WDR7: variants seen among roughly 807,000 people sequenced by gnomAD.
WDR7 encodes WD repeat domain 7, also known as WD repeat-containing protein 7.
WDR7 carries 46 observed loss-of-function variants against 169.4 expected under a neutral mutation model. That is an observed-to-expected ratio of 0.27 (90% CI 0.21 to 0.35). The LOEUF is 0.35. Ranked by LOEUF, WDR7 falls within the 10% of genes least tolerant of loss-of-function variation. WDR7 has a pLI of 1.00. For synonymous variants in WDR7, 612 were observed against 666.8 expected (o/e 0.92, Z 1.27); for missense variants, 1,534 against 1,859.3 (o/e 0.83, Z 3.22).
In WDR7 at chr18:56,957,112, A is replaced by G. The variant is rs931313697; in HGVS notation, c.4065-5318A>G. ...TTCCCATCAGAAAAAGAATGGTTAA[A>G]TAATATAATGCACATACGCAGAACT... On this transcript the variant is annotated intron_variant, in intron 25 of 27. Transcript: ENST00000254442. 5.3e-5 allele frequency among the ~76,000 whole-genome samples: 8 copies of G among 152,208 alleles called. No individual in the cohort carries two copies. In the East Asian group the frequency reaches 1.5e-3, roughly 29 times the overall value.
intron 20 of WDR7, among the ~76,000 whole-genome samples, chr18:56,876,585 A>G (rs1188316453): frequency 6.6e-6 from 1 of 152,216 alleles, no homozygotes; most frequent in Non-Finnish European, 1.5e-5. Context: ...GTTTAAAGCC[A>G]GGAGCTAGGC....
intron 20 of WDR7, among the ~76,000 whole-genome samples, chr18:56,865,815 T>A (rs912071263): frequency 2.0e-5 from 3 of 152,204 alleles, no homozygotes; most frequent in African/African-American, 7.2e-5. Context: ...TTAATGTAGT[T>A]CATATGCTTG....
In WDR7 at chr18:56,736,201, TC is replaced by T. The variant is rs1363075923; in HGVS notation, c.1989+4607del. Among the ~76,000 whole-genome samples the T allele has an allele frequency of 6.6e-5, 10 of 152,276 alleles. No homozygotes were observed. In the South Asian group the frequency reaches 1.7e-3, roughly 25 times the overall value. ...AACTCTATGTGATCAGACATGTGCT[TC>T]CCTCATTTAATTTTATTCTTCAATC... On this transcript the variant is annotated intron_variant, in intron 14 of 27. Coordinates refer to ENST00000254442, the MANE Select transcript of WDR7 (RefSeq NM_015285.3).
intron 27 of WDR7, among the ~76,000 whole-genome samples, chr18:57,025,562 A>G (rs1312483712): frequency 6.6e-6 from 1 of 152,224 alleles, no homozygotes; most frequent in African/African-American, 2.4e-5. Context: ...CAATAACCAT[A>G]CATTTGGTTT....
At chr18:57,018,282 A>G (rs1180842237) in intron 26 of WDR7, among the ~76,000 whole-genome samples, 2 of 152,236 alleles carry the variant, frequency 1.3e-5, no homozygotes, top group African/African-American at 4.8e-5. Flanking sequence ...AGTTTTTCTT[A>G]GAAGAACTTT....
At chr18:56,823,447 G>A (rs536875563) in intron 20 of WDR7, among the ~76,000 whole-genome samples, 11 of 152,260 alleles carry the variant, frequency 7.2e-5, no homozygotes, top group African/African-American at 2.6e-4. Flanking sequence ...TGTATTCATA[G>A]TGGTGGCAGG....
chr18:56,847,325 T>C (rs2045582483), intron 20 of WDR7, among the ~76,000 whole-genome samples: 1 of 152,174 alleles, frequency 6.6e-6, no homozygotes, highest in Non-Finnish European at 1.5e-5. Context: ...GACATTCAAA[T>C]AGTGGCCTGG....
intron 12 of WDR7, among the ~76,000 whole-genome samples, chr18:56,701,138 G>A (rs151314999): frequency 2.2e-3 from 336 of 152,290 alleles, no homozygotes; most frequent in African/African-American, 7.5e-3. Flanking sequence ...AGGAGGATAA[G>A]GTAAGTATTT....
chr18:57,020,515 A>G (rs764537561), intron 26 of WDR7, among the ~76,000 whole-genome samples: 5 of 152,318 alleles, frequency 3.3e-5, no homozygotes, highest in Non-Finnish European at 7.4e-5. Flanking sequence ...GCCCTCCCCA[A>G]CTAGGAGGCA....
intron 13 of WDR7, among the ~76,000 whole-genome samples, chr18:56,724,209 A>ATTTTT (rs58382196): frequency 3.1e-5 from 3 of 98,012 alleles, no homozygotes; most frequent in Non-Finnish European, 3.7e-5. Context: ...ATGCCTGGTA[A>ATTTTT]TTTTTTTTTT....
intron 13 of WDR7, among the ~76,000 whole-genome samples, chr18:56,722,458 A>G (rs536377827): frequency 4.6e-5 from 7 of 152,264 alleles, no homozygotes; most frequent in African/African-American, 1.7e-4. Flanking sequence ...ATTTCACTAT[A>G]TATTGCCATT....
chr18:56,819,116 G>T (rs999305448), intron 20 of WDR7, among the ~76,000 whole-genome samples: 1 of 152,006 alleles, frequency 6.6e-6, no homozygotes, highest in African/African-American at 2.4e-5. Flanking sequence ...TTTTCTTTTG[G>T]GTACAAATGG....
At chr18:56,857,350 C>T (rs569245454) in intron 20 of WDR7, among the ~76,000 whole-genome samples, 2 of 152,206 alleles carry the variant, frequency 1.3e-5, no homozygotes, top group Non-Finnish European at 2.9e-5. Flanking sequence ...TCCTCAACCT[C>T]CTGGCTCACG....
Position 56,924,090 on chromosome 18 carries a change from C to T in WDR7, c.3695C>T (p.Ala1232Val). ...GGGCTTCTCGAACTTTGTGCCGATG[C>T]CGAGAAACAACTTGCCAAGTATGTG... ...LMGLLELCADAEKQLANITMG... is the reference protein window; with the variant it reads ...LMGLLELCADVEKQLANITMG... Residue 1232 changes from alanine to valine, a missense_variant, in exon 22 of 28, where the codon GCC (alanine) becomes GTC (valine). Physicochemically the swap from Ala to Val is moderately conservative, Grantham distance 64. Transcript: ENST00000254442. The T allele has an allele frequency of 1.2e-6, 2 of 1,612,136 alleles. No homozygotes were observed. The highest frequency in any genetic ancestry group is 1.7e-6 in the Non-Finnish European group (2 of 1,179,504).
chr18:56,691,489 TTAAG>T, intron 8 of WDR7, 128 bp downstream of exon 8: 2 of 1,150,570 alleles, frequency 1.7e-6, no homozygotes, highest in Non-Finnish European at 2.3e-6. Flanking sequence ...TCAGAACTTC[TTAAG>T]TTAGATTTTT....
At position 56,693,561 on chromosome 18, in the gene WDR7, G is replaced by GTTTTTTTTT. The variant is rs1257964211; in HGVS notation, c.967-1055_967-1047dup. The stretch of plus-strand genomic sequence containing the variant: ...CAAGCTTGATAGTTCAATTTTGTTG[G>GTTTTTTTTT]TTTTTTTTTTTGTTTTTTTTTTTTT... On this transcript the variant is annotated intron_variant, in intron 9 of 27. Transcript: ENST00000254442. Among the ~76,000 whole-genome samples, 11 of 98,826 alleles carry GTTTTTTTTT rather than the reference G, an allele frequency of 1.1e-4. 2 individuals carry two copies. The highest frequency in any genetic ancestry group is 1.6e-4 in the Non-Finnish European group (8 of 51,236). The allele number at this position is 98,826 out of a possible 152,430, so 64.8% of individuals were successfully genotyped here. A position where few individuals can be genotyped will look rare whatever the true frequency, so the allele number is the denominator to read the frequency against.
intron 19 of WDR7, among the ~76,000 whole-genome samples, chr18:56,808,016 T>C (rs143441410): frequency 6.6e-6 from 1 of 152,314 alleles, no homozygotes; most frequent in African/African-American, 2.4e-5. Flanking sequence ...GTTATCTTTC[T>C]ATGGCCTTTG....
At position 57,020,676 on chromosome 18, in the gene WDR7, C is replaced by T. The variant is rs2048276357; in HGVS notation, c.4165-69C>T. The T allele has an allele frequency of 4.3e-6, 6 of 1,381,304 alleles. No individual in the cohort carries two copies. The South Asian group carries it at 6.1e-5, about 14-fold the overall frequency. The allele number at this position is 1,381,304 out of a possible 1,614,324, so 85.6% of individuals were successfully genotyped here. ...GACGTAACTTGTTCAACATTGAATG[C>T]ATTTGTGTGTGTACTTGTAATTGTC... On this transcript the variant is annotated intron_variant, in intron 26 of 27. Transcript: ENST00000254442.
intron 10 of WDR7, 39 bp downstream of exon 10, chr18:56,694,799 TA>T: frequency 6.4e-7 from 1 of 1,571,150 alleles, no homozygotes; most frequent in Non-Finnish European, 8.6e-7. Context: ...TTAATTAATT[TA>T]ATATCTTAAA....
Sources: gnomAD v4.1 joint callset for allele counts (sites outside exome capture counted in the v4.1 genomes callset) on GRCh38, gnomAD v4.1.1 for gene constraint, MANE v1.5 for transcripts, NCBI Gene and HGNC (gene_info 2026-07-23, HGNC 2026-07-21) for gene names.